The following SLCO1A2 variants were observed in gnomAD, a reference collection of about 807,000 sequenced individuals.
SLCO1A2 encodes the protein OATP-1.
In SLCO1A2, 67 loss-of-function variants were observed where a neutral mutation model predicts 69.0. The ratio of observed to expected loss-of-function variants is 0.97; its 90% CI spans 0.80 to 1.19. SLCO1A2 has a LOEUF of 1.19. SLCO1A2 is among the 50% of genes most tolerant of loss of function. The pLI is 0.00. For missense variants in SLCO1A2, 787 were observed against 793.7 expected, an observed-to-expected ratio of 0.99 and a Z score of 0.10; for synonymous variants, 260 against 265.9, an observed-to-expected ratio of 0.98 and a Z score of 0.22.
At chr12:21,273,320 C>T (rs576825404) in intron 14 of SLCO1A2, among the ~76,000 whole-genome samples, 92 of 152,194 alleles carry the variant, frequency 6.0e-4, no homozygotes, top group Middle Eastern at 6.8e-3. Flanking sequence ...TTATATCTTC[C>T]AAGGTCATTT....
intron 12 of SLCO1A2, among the ~76,000 whole-genome samples, chr12:21,277,283 C>G (rs553348493): frequency 6.9e-6 from 1 of 144,246 alleles, no homozygotes; most frequent in African/African-American, 2.6e-5. Context: ...CATTTCTAGA[C>G]ATACCCTGGA....
At chr12:21,358,880 G>A (rs954790668) in intron 2 of SLCO1A2, among the ~76,000 whole-genome samples, 40 of 152,104 alleles carry the variant, frequency 2.6e-4, no homozygotes, top group African/African-American at 9.4e-4. Context: ...ATTTAACCAT[G>A]GCAATATTAA....
At chr12:21,282,997 G>A (rs1945089766) in intron 12 of SLCO1A2, among the ~76,000 whole-genome samples, 1 of 151,982 alleles carries the variant, frequency 6.6e-6, no homozygotes, top group Admixed American at 6.6e-5. Flanking sequence ...ACCAAACAAA[G>A]GAATCTGCAA....
chr12:21,393,705 T>C (rs1941276717), intron 1 of SLCO1A2, among the ~76,000 whole-genome samples: 4 of 152,190 alleles, frequency 2.6e-5, no homozygotes, highest in Admixed American at 2.6e-4. Flanking sequence ...AATCCTTTTT[T>C]CAATCTAGAT....
At chr12:21,310,922 A>G (rs893186141) in intron 4 of SLCO1A2, among the ~76,000 whole-genome samples, 2 of 152,224 alleles carry the variant, frequency 1.3e-5, no homozygotes, top group African/African-American at 4.8e-5. Context: ...GCTGTTTGAT[A>G]GCATTTTACC....
In SLCO1A2 at chr12:21,293,957, C is replaced by G; in HGVS notation, c.1425G>C (p.Thr475=). The change falls in exon 11 of 15, where the codon ACG becomes ACC. Residue 475 remains threonine, a synonymous_variant. Transcript: ENST00000683939. ...CLAGCETSIG[T]GINMVFQNCS... is the part of the protein sequence containing the mutation. ...TAGGATGTCTTACCATGTTTATTCC[C>G]GTTCCAATGGATGTCTCACAACCAG... The G allele has an allele frequency of 6.2e-7, 1 of 1,607,992 alleles. No homozygotes were observed. The highest frequency in any genetic ancestry group is 8.5e-7 in the Non-Finnish European group (1 of 1,177,624).
At chr12:21,379,863 C>T (rs2137119299) in intron 1 of SLCO1A2, 1 of 152,164 alleles carries the variant, frequency 6.6e-6, no homozygotes, top group East Asian at 1.9e-4. Context: ...TAGAGGCTTT[C>T]GTTGGTGGTG....
At chr12:21,321,150 T>G (rs1195627170) in intron 2 of SLCO1A2, among the ~76,000 whole-genome samples, 1 of 152,228 alleles carries the variant, frequency 6.6e-6, no homozygotes, top group African/African-American at 2.4e-5. Flanking sequence ...CATTTGATAC[T>G]ATTGATCTCT....
chr12:21,307,370 TAAC>T (rs1949551246), intron 4 of SLCO1A2, among the ~76,000 whole-genome samples: 1 of 152,150 alleles, frequency 6.6e-6, no homozygotes, highest in Non-Finnish European at 1.5e-5. Context: ...TTGGAAGGAA[TAAC>T]AACAAAACAA....
At chr12:21,316,102 C>G (rs1950831290) in intron 3 of SLCO1A2, among the ~76,000 whole-genome samples, 1 of 152,154 alleles carries the variant, frequency 6.6e-6, no homozygotes, top group Admixed American at 6.5e-5. Flanking sequence ...TCTACTTTAT[C>G]AAGAAATTTG....
intron 9 of SLCO1A2, among the ~76,000 whole-genome samples, chr12:21,296,691 C>T (rs1214206351): frequency 6.6e-6 from 1 of 152,136 alleles, no homozygotes; most frequent in Non-Finnish European, 1.5e-5. Context: ...CCCTAGGTTC[C>T]ATCTATACAA....
chr12:21,278,877 G>C (rs975029813), intron 12 of SLCO1A2, among the ~76,000 whole-genome samples: 1 of 152,112 alleles, frequency 6.6e-6, no homozygotes, highest in Non-Finnish European at 1.5e-5. Flanking sequence ...ACCAATCCTG[G>C]AGAAAGAGAG....
chr12:21,356,601 A>G lies in SLCO1A2; in HGVS notation c.-63+17798T>C, dbSNP rs369685249. On this transcript the variant is annotated intron_variant, in intron 2 of 15. Coordinates refer to the SLCO1A2 transcript ENST00000307378. ...GAAAAAGCATTAAATGTGACATAGAAAAGTAGTTTAAATATACTAAAGGGA... is the reference window on the plus strand; with the variant it reads ...GAAAAAGCATTAAATGTGACATAGAGAAGTAGTTTAAATATACTAAAGGGA... Among the ~76,000 whole-genome samples the G allele has an allele frequency of 3.3e-5, 5 of 152,272 alleles. No individual in the cohort carries two copies. In the East Asian group the frequency reaches 9.6e-4, roughly 29 times the overall value.
chr12:21,362,195 G>T (rs2137051843), intron 2 of SLCO1A2, among the ~76,000 whole-genome samples: 1 of 152,218 alleles, frequency 6.6e-6, no homozygotes, highest in African/African-American at 2.4e-5. Flanking sequence ...ACAGTGAGCG[G>T]GTCTCTCGGC....
At chr12:21,315,932 T>C (rs61537911) in intron 3 of SLCO1A2, among the ~76,000 whole-genome samples, 9,240 of 152,240 alleles carry the variant, frequency 0.061, 918 homozygotes, top group African/African-American at 0.21. Context: ...GGTAAGTAAT[T>C]TTTTTCAAAG....
At chr12:21,357,319 A>G (rs1262727018) in intron 2 of SLCO1A2, among the ~76,000 whole-genome samples, 2 of 152,330 alleles carry the variant, frequency 1.3e-5, no homozygotes, top group East Asian at 3.9e-4. Context: ...ATAATGCCTC[A>G]TGGGAATGAA....
chr12:21,297,956 C>G (rs758213374), intron 8 of SLCO1A2, among the ~76,000 whole-genome samples: 5 of 152,116 alleles, frequency 3.3e-5, no homozygotes, highest in African/African-American at 7.2e-5. Context: ...GATGCTTGTT[C>G]TGTTCTGTAA....
Position 21,416,385 on chromosome 12 carries a change from C to CAA in SLCO1A2, c.-312+1495_-312+1496dup, listed in dbSNP as rs1491197498. Among the ~76,000 whole-genome samples the CAA allele has an allele frequency of 1.1e-4, 16 of 149,648 alleles. No homozygotes were observed. The East Asian group carries it at 2.8e-3, about 26-fold the overall frequency. On this transcript the variant is annotated intron_variant, in intron 1 of 4. Coordinates refer to the SLCO1A2 transcript ENST00000413682. Reference sequence around the variant, plus strand: ...ACACACACACACACACACACACACACAAAAGACAATAAATCACTCGCTCTC... The same window carrying CAA: ...ACACACACACACACACACACACACACAAAAAAGACAATAAATCACTCGCTCTC...
At chr12:21,354,756 CCTTT>C (rs1461328728) in intron 2 of SLCO1A2, among the ~76,000 whole-genome samples, 1 of 152,016 alleles carries the variant, frequency 6.6e-6, no homozygotes, top group Non-Finnish European at 1.5e-5. Flanking sequence ...CTCATAACAA[CCTTT>C]CTTTCTTTGA....
Sources: allele counts gnomAD v4.1 joint callset (sites outside exome capture counted in the v4.1 genomes callset), GRCh38; gene constraint gnomAD v4.1.1; transcripts MANE v1.5; gene names NCBI Gene and HGNC (gene_info 2026-07-23, HGNC 2026-07-21).